The following NEK7 variants were observed in gnomAD, a reference collection of about 807,000 sequenced individuals.
NEK7 encodes the protein serine/threonine-protein kinase Nek7.
NEK7 carries 18 observed loss-of-function variants against 44.6 expected under a neutral mutation model. That is an observed-to-expected ratio of 0.40 (90% CI 0.28 to 0.60). The LOEUF is 0.60. NEK7 is among the 20% of genes least tolerant of loss of function. The pLI is 0.38. For synonymous variants in NEK7, 130 were observed against 121.1 expected (o/e 1.07, Z -0.48); for missense variants, 256 against 366.5 (o/e 0.70, Z 2.46).
At chr1:198,256,440 T>A in intron 3 of NEK7, 1 of 1,609,070 alleles carries the variant, frequency 6.2e-7, no homozygotes, top group Non-Finnish European at 8.5e-7. Context: ...TTAACCAATC[T>A]TTTTGAAAAT....
At chr1:198,292,690 GA>G (rs1654596622) in intron 7 of NEK7, among the ~76,000 whole-genome samples, 1 of 151,734 alleles carries the variant, frequency 6.6e-6, no homozygotes, top group Non-Finnish European at 1.5e-5. Context: ...ATGCTCCGTT[GA>G]TTCTTCTTGG....
intron 9 of NEK7, among the ~76,000 whole-genome samples, chr1:198,310,593 T>G (rs1247763026): frequency 6.6e-6 from 1 of 150,940 alleles, no homozygotes; most frequent in Admixed American, 6.6e-5. Flanking sequence ...GTTTAAGTCT[T>G]TAATCCATCT....
chr1:198,268,060 C>T (rs767531396), intron 5 of NEK7, among the ~76,000 whole-genome samples: 10 of 151,912 alleles, frequency 6.6e-5, no homozygotes, highest in African/African-American at 2.4e-4. Flanking sequence ...TTCTTCCTAC[C>T]TCTCTGGAGA....
chr1:198,241,285 T>C (rs992006357), intron 2 of NEK7, among the ~76,000 whole-genome samples: 2 of 152,010 alleles, frequency 1.3e-5, no homozygotes, highest in African/African-American at 4.9e-5. Flanking sequence ...TCACTAAATA[T>C]TCATAAAACA....
intron 5 of NEK7, among the ~76,000 whole-genome samples, chr1:198,276,014 A>T (rs1323839899): frequency 6.6e-6 from 1 of 151,610 alleles, no homozygotes; most frequent in Non-Finnish European, 1.5e-5. Context: ...ACGAATTTGG[A>T]TACTTAACTC....
At chr1:198,206,430 A>G (rs1388857214) in intron 1 of NEK7, among the ~76,000 whole-genome samples, 1 of 152,130 alleles carries the variant, frequency 6.6e-6, no homozygotes, top group Non-Finnish European at 1.5e-5. Context: ...AATATGTAGT[A>G]AGGAAGAAGA....
intron 1 of NEK7, among the ~76,000 whole-genome samples, chr1:198,181,281 A>G (rs148336462): frequency 1.8e-4 from 27 of 152,188 alleles, no homozygotes; most frequent in Non-Finnish European, 3.4e-4. Context: ...ACTTCTTTTC[A>G]ATAGTGCCCT....
At chr1:198,180,955 G>T (rs553710995) in intron 1 of NEK7, among the ~76,000 whole-genome samples, 13 of 152,094 alleles carry the variant, frequency 8.5e-5, no homozygotes, top group African/African-American at 2.6e-4. Context: ...ATTTTCTAGT[G>T]TAAGAGAGAT....
intron 2 of NEK7, among the ~76,000 whole-genome samples, chr1:198,233,856 T>A (rs1666473565): frequency 6.6e-6 from 1 of 151,878 alleles, no homozygotes; most frequent in Non-Finnish European, 1.5e-5. Flanking sequence ...TTTGCTGATT[T>A]TGATTTTGTA....
rs533270527 is a variant in NEK7, at chr1:198,321,801, C to T, written c.*2279C>T. 3.3e-5 allele frequency: 5 copies of T among 152,174 alleles called. No individual in the cohort carries two copies. Among genetic ancestry groups the T allele is most frequent in the African/African-American group, 1.2e-4 (5 of 41,534 alleles). 9.4% of individuals were successfully genotyped at this position (152,174 alleles called of 1,614,324 possible). A position where few individuals can be genotyped will look rare whatever the true frequency, so the allele number is the denominator to read the frequency against. On this transcript the variant is annotated 3_prime_UTR_variant, in exon 10 of 10. Transcript: ENST00000367385. Reference sequence around the variant, plus strand: ...GATTTGAAGCTCTAATTTATATAGTCACCTATAAAATGTTCTTTATATGTG... The same window carrying T: ...GATTTGAAGCTCTAATTTATATAGTTACCTATAAAATGTTCTTTATATGTG...
chr1:198,209,153 C>CT (rs11389228), intron 1 of NEK7, among the ~76,000 whole-genome samples: 85,953 of 136,864 alleles, frequency 0.63, 28,511 homozygotes, highest in Middle Eastern at 0.75. Context: ...TATATATATA[C>CT]TTTTTTTTTT....
At chr1:198,252,182 G>T (rs977808338) in intron 2 of NEK7, among the ~76,000 whole-genome samples, 2 of 152,046 alleles carry the variant, frequency 1.3e-5, no homozygotes, top group Non-Finnish European at 2.9e-5. Context: ...CAGTTGAGCG[G>T]TTTTGAGTGA....
chr1:198,307,694 A>G (rs903351368), intron 9 of NEK7, among the ~76,000 whole-genome samples: 5 of 152,140 alleles, frequency 3.3e-5, no homozygotes, highest in African/African-American at 9.7e-5. Context: ...ACTCAGACCA[A>G]TCTCTGAGTG....
Position 198,264,204 on chromosome 1 carries a change from C to G in NEK7, c.341C>G (p.Ala114Gly). The change falls in exon 5 of 10, where the codon GCA becomes GGA. Residue 114 changes from alanine (A) to glycine (G), a missense_variant. Physicochemically the swap from Ala to Gly is moderately conservative, Grantham distance 60. Around this residue, in one of 3 missense-constraint regions of NEK7, gnomAD observed 102 missense variants for 205.2 expected, o/e 0.50. Coordinates refer to ENST00000367385, the MANE Select transcript of NEK7 (RefSeq NM_133494.3). ...DNELNIVLEL[A>G]DAGDLSRMIK... ...GAACTAAACATAGTTTTGGAACTAGCAGATGCTGGCGACCTATCCAGAATG... is the reference window on the plus strand; with the variant it reads ...GAACTAAACATAGTTTTGGAACTAGGAGATGCTGGCGACCTATCCAGAATG... 1 of 1,604,642 alleles carries G rather than the reference C, an allele frequency of 6.2e-7. No homozygotes were observed. The highest frequency in any genetic ancestry group is 8.5e-7 in the Non-Finnish European group (1 of 1,175,440).
At chr1:198,276,108 A>G (rs1456699531) in intron 5 of NEK7, among the ~76,000 whole-genome samples, 1 of 151,638 alleles carries the variant, frequency 6.6e-6, no homozygotes, top group Non-Finnish European at 1.5e-5. Flanking sequence ...GTCTCAAAGA[A>G]TACAAAAACA....
At chr1:198,310,427 TGCAGAA>T (rs1001473221) in intron 9 of NEK7, among the ~76,000 whole-genome samples, 4 of 150,532 alleles carry the variant, frequency 2.7e-5, no homozygotes, top group African/African-American at 7.4e-5. Flanking sequence ...TCTTTTGCTG[TGCAGAA>T]GCTCTTTAGT....
chr1:198,279,452 T>C (rs1488612070), intron 7 of NEK7, among the ~76,000 whole-genome samples: 5 of 151,966 alleles, frequency 3.3e-5, no homozygotes, highest in African/African-American at 1.2e-4. Context: ...TAAAATAAAG[T>C]ATATGGCTGT....
chr1:198,245,442 A>G (rs1158500968), intron 2 of NEK7: 2 of 166,698 alleles, frequency 1.2e-5, no homozygotes, highest in Non-Finnish European at 2.9e-5. Flanking sequence ...AAGCTGCCTG[A>G]GCGAGCTGAA....
rs150289407 is a variant in NEK7, at chr1:198,276,666, A to G, written c.373-1295A>G. ...TTCTTTGGGATGTAATGTTACTGATATAATAACTATTGAAATTGCTAATAA... is the reference window on the plus strand; with the variant it reads ...TTCTTTGGGATGTAATGTTACTGATGTAATAACTATTGAAATTGCTAATAA... On this transcript the variant is annotated intron_variant, in intron 5 of 9. Coordinates refer to ENST00000367385, the MANE Select transcript of NEK7 (RefSeq NM_133494.3). Among the ~76,000 whole-genome samples, 7 of 151,892 alleles carry G rather than the reference A, an allele frequency of 4.6e-5. No homozygotes were observed. In the East Asian group the frequency reaches 1.2e-3, roughly 25 times the overall value.
Sources: allele counts gnomAD v4.1 joint callset (sites outside exome capture counted in the v4.1 genomes callset), GRCh38; gene constraint gnomAD v4.1.1; regional missense constraint gnomAD v4.1.1; transcripts MANE v1.5; gene names NCBI Gene and HGNC (gene_info 2026-07-23, HGNC 2026-07-21).